NPPC: variants seen among roughly 807,000 people sequenced by gnomAD.
NPPC encodes the protein natriuretic peptide C.
A neutral mutation model predicts 10.2 loss-of-function variants in NPPC; 4 were observed. The observed-to-expected ratio is 0.39, with a 90% CI of 0.19 to 0.90. The LOEUF (loss-of-function observed/expected upper bound fraction) is 0.90. NPPC is among the 40% of genes least tolerant of loss of function. The pLI is 0.37. For missense variants in NPPC, 182 were observed against 173.8 expected, an observed-to-expected ratio of 1.05 and a Z score of -0.26; for synonymous variants, 83 against 87.3, an observed-to-expected ratio of 0.95 and a Z score of 0.27.
chr2:231,926,205 C>A lies in NPPC; in HGVS notation c.45G>T (p.Leu15=), dbSNP rs547048787. ...TGGCTTCGGAGGGCCGGAGGGAGAGCAGCGTGAGCAGCAGGGCGCAGGCCA... is the reference window on the plus strand; with the variant it reads ...TGGCTTCGGAGGGCCGGAGGGAGAGAAGCGTGAGCAGCAGGGCGCAGGCCA... ...QLLACALLLT[L]LSLRPSEAKP... The change falls in exon 1 of 3, where the codon CTG becomes CTT. Residue 15 remains leucine (L), a synonymous_variant. Coordinates refer to ENST00000409852, the MANE Select transcript of NPPC (RefSeq NM_024409.4). 22 of 1,330,366 alleles carry A rather than the reference C, an allele frequency of 1.7e-5. No homozygotes were observed. The South Asian group carries it at 4.6e-4, about 28-fold the overall frequency. The allele number at this position is 1,330,366 out of a possible 1,614,324, so 82.4% of individuals were successfully genotyped here. A position where few individuals can be genotyped will look rare whatever the true frequency, so the allele number is the denominator to read the frequency against.
chr2:231,925,432 C>A lies in NPPC; in HGVS notation c.374G>T (p.Gly125Val). 2 of 1,604,630 alleles carry A rather than the reference C, an allele frequency of 1.2e-6. No homozygotes were observed. Among genetic ancestry groups the A allele is most frequent in the Non-Finnish European group, 1.7e-6 (2 of 1,175,466 alleles). ...LDRIGSMSGL[G>V]C is the part of the protein sequence containing the mutation. ...CCGCCAGGGGGCGCCGCACTAACATCCCAGGCCGCTCATGGAGCCGATTCG... is the reference window on the plus strand; with the variant it reads ...CCGCCAGGGGGCGCCGCACTAACATACCAGGCCGCTCATGGAGCCGATTCG... Residue 125 changes from glycine (G) to valine (V), a missense_variant, in exon 2 of 3, where the codon GGA (glycine) becomes GTA (valine). By Grantham distance (109) the Gly-to-Val change is moderately radical (BLOSUM62 -3). Coordinates refer to ENST00000409852, the MANE Select transcript of NPPC (RefSeq NM_024409.4).
intron 1 of NPPC, 89 bp from the exon 2 acceptor site, chr2:231,925,804 G>A (rs1691998844): frequency 2.2e-6 from 3 of 1,376,096 alleles, no homozygotes; most frequent in South Asian, 3.1e-5. Flanking sequence ...CCGCCGGCGC[G>A]GGGTGTCCCT....
rs778952287 is a variant in NPPC at position 231,925,382 on chromosome 2, G to A, written c.*20+23C>T. The A allele has an allele frequency of 3.9e-6, 6 of 1,522,598 alleles. No homozygotes were observed. In the South Asian group the frequency reaches 7.6e-5, roughly 19 times the overall value. 94.3% of individuals were successfully genotyped at this position (1,522,598 alleles called of 1,614,324 possible). On this transcript the variant is annotated intron_variant, in intron 2 of 2. Coordinates refer to ENST00000409852, the MANE Select transcript of NPPC (RefSeq NM_024409.4). The stretch of plus-strand genomic sequence containing the variant: ...GCGGTCCCGGGCCGGGCTGGGGCTG[G>A]GCGTCGGGTGGGCCGTACTCACCGC...
rs1231023049 is a variant in NPPC at position 231,925,565 on chromosome 2, A to G, written c.241T>C (p.Ser81Pro). Reference sequence around the variant, plus strand: ...AGAAGGCGAGCCCACGCTGCCCGCGACTTGGTGTCCACGCGCAGGTCCCGG... The same window carrying G: ...AGAAGGCGAGCCCACGCTGCCCGCGGCTTGGTGTCCACGCGCAGGTCCCGG... ...LLRDLRVDTK[S>P]RAAWARLLQE... The change falls in exon 2 of 3, where the codon TCG (serine) becomes CCG (proline). Residue 81 changes from serine to proline, a missense_variant. Transcript: ENST00000409852. The G allele has an allele frequency of 6.2e-7, 1 of 1,612,302 alleles. No individual in the cohort carries two copies. Among genetic ancestry groups the G allele is most frequent in the Non-Finnish European group, 8.5e-7 (1 of 1,179,612 alleles).
intron 2 of NPPC, among the ~76,000 whole-genome samples, chr2:231,924,775 G>A (rs1406600130): frequency 6.6e-6 from 1 of 152,124 alleles, no homozygotes; most frequent in African/African-American, 2.4e-5. Context: ...TTCGAGGCTG[G>A]GGCAAATAAT....
In NPPC at chr2:231,922,229, A is replaced by G. The variant is rs1465511976; in HGVS notation, c.*107T>C. 2 of 152,198 alleles carry G rather than the reference A, an allele frequency of 1.3e-5. No individual in the cohort carries two copies. The highest frequency in any genetic ancestry group is 2.9e-5 in the Non-Finnish European group (2 of 68,036). The allele number at this position is 152,198 out of a possible 1,614,324, so 9.4% of individuals were successfully genotyped here. A position where few individuals can be genotyped will look rare whatever the true frequency, so the allele number is the denominator to read the frequency against. ...AAAAAAGAAAGAAAGAAAGAAATGT[A>G]AAAGCCACATTGCGTTGGAGGTGTT... is the stretch of plus-strand genomic sequence containing the variant. On this transcript the variant is annotated 3_prime_UTR_variant, in exon 3 of 3. Transcript: ENST00000409852.
At chr2:231,925,847 C>A in intron 1 of NPPC, 132 bp from the exon 2 acceptor site, 1 of 1,123,214 alleles carries the variant, frequency 8.9e-7, no homozygotes, top group Non-Finnish European at 1.2e-6. Flanking sequence ...CCGATGCCGG[C>A]CAGCTTGGCC....
rs1374669902 is a variant in NPPC at position 231,926,288 on chromosome 2, G to T, written c.-39C>A. The T allele has an allele frequency of 8.0e-7, 1 of 1,252,368 alleles. No individual in the cohort carries two copies. The highest frequency in any genetic ancestry group is 3.1e-5 in the South Asian group (1 of 32,562). The allele number at this position is 1,252,368 out of a possible 1,614,324, so 77.6% of individuals were successfully genotyped here. A position where few individuals can be genotyped will look rare whatever the true frequency, so the allele number is the denominator to read the frequency against. On this transcript the variant is annotated 5_prime_UTR_variant, in exon 1 of 3. Coordinates refer to ENST00000409852, the MANE Select transcript of NPPC (RefSeq NM_024409.4). ...TCGAGGGGCGCACACGGGCGGCAGC[G>T]AGGGCGCGCAGGTCGGCGGGCAGAC...
In NPPC at chr2:231,926,304, G is replaced by A; in HGVS notation, c.-55C>T. On this transcript the variant is annotated 5_prime_UTR_variant, in exon 1 of 3. Coordinates refer to ENST00000409852, the MANE Select transcript of NPPC (RefSeq NM_024409.4). ...GGCGGCAGCGAGGGCGCGCAGGTCGGCGGGCAGACCAGCAGGGGGATGCGG... is the reference window on the plus strand; with the variant it reads ...GGCGGCAGCGAGGGCGCGCAGGTCGACGGGCAGACCAGCAGGGGGATGCGG... The A allele has an allele frequency of 1.7e-6, 2 of 1,182,226 alleles. No individual in the cohort carries two copies. Among genetic ancestry groups the A allele is most frequent in the Middle Eastern group, 3.1e-4 (1 of 3,234 alleles). 73.2% of individuals were successfully genotyped at this position (1,182,226 alleles called of 1,614,324 possible).
intron 1 of NPPC, 70 bp from the exon 2 acceptor site, chr2:231,925,785 C>T: frequency 1.4e-6 from 2 of 1,402,862 alleles, no homozygotes; most frequent in Non-Finnish European, 1.8e-6. Flanking sequence ...ATGCTCCAGC[C>T]CCACGCGCCC....
intron 2 of NPPC, among the ~76,000 whole-genome samples, chr2:231,923,374 G>T (rs905710492): frequency 6.6e-6 from 1 of 152,332 alleles, no homozygotes; most frequent in Admixed American, 6.5e-5. Context: ...CACCCACTGC[G>T]TGGAGAAACA....
At chr2:231,925,745 G>T in intron 1 of NPPC, 30 bp from the exon 2 acceptor site, 1 of 1,503,914 alleles carries the variant, frequency 6.6e-7, no homozygotes, top group Non-Finnish European at 8.8e-7. Context: ...GCAGGTGAAG[G>T]GACACGCGGC....
chr2:231,925,859 C>T, intron 1 of NPPC, 144 bp from the exon 2 acceptor site: 2 of 1,037,478 alleles, frequency 1.9e-6, no homozygotes, highest in South Asian at 1.9e-5. Flanking sequence ...AGCTTGGCCC[C>T]GCATCCACCT....
At position 231,925,388 on chromosome 2, in the gene NPPC, G is replaced by A. The variant is rs773087065; in HGVS notation, c.*20+17C>T. On this transcript the variant is annotated intron_variant, in intron 2 of 2. Transcript: ENST00000409852. The stretch of plus-strand genomic sequence containing the variant: ...CCGGGCCGGGCTGGGGCTGGGCGTC[G>A]GGTGGGCCGTACTCACCGCCGCCAG... The A allele has an allele frequency of 4.6e-6, 7 of 1,536,074 alleles. No homozygotes were observed. The Admixed American group carries it at 9.6e-5, about 21-fold the overall frequency.
At position 231,925,539 on chromosome 2, in the gene NPPC, C is replaced by A. The variant is rs367826282; in HGVS notation, c.267G>T (p.Leu89=). Residue 89 remains leucine (L), a synonymous_variant, in exon 2 of 3, where the codon CTG becomes CTT. Transcript: ENST00000409852. ...ATTTGCGCGCGTTGGGGTGCTCTTG[C>A]AGAAGGCGAGCCCACGCTGCCCGCG... The part of the protein sequence containing the change: ...TKSRAAWARL[L]QEHPNARKYK... The A allele has an allele frequency of 2.5e-6, 4 of 1,612,750 alleles. No homozygotes were observed. The highest frequency in any genetic ancestry group is 1.1e-5 in the South Asian group (1 of 91,018).
At position 231,926,364 on chromosome 2, in the gene NPPC, C is replaced by T. The variant is rs1298865082; in HGVS notation, c.-115G>A. On this transcript the variant is annotated 5_prime_UTR_variant, in exon 1 of 3. Coordinates refer to ENST00000409852, the MANE Select transcript of NPPC (RefSeq NM_024409.4). ...GCTGGGCTGCAGGGCGAGCAGGGTC[C>T]CAGTGCTGCGCGGCGCCGGCTGGGT... The T allele has an allele frequency of 9.9e-6, 6 of 606,748 alleles. No individual in the cohort carries two copies. Among genetic ancestry groups the T allele is most frequent in the Non-Finnish European group, 1.4e-5 (6 of 416,996 alleles). The allele number at this position is 606,748 out of a possible 1,614,324, so 37.6% of individuals were successfully genotyped here.
chr2:231,923,515 G>A (rs139363316), intron 2 of NPPC, among the ~76,000 whole-genome samples: 105 of 152,298 alleles, frequency 6.9e-4, no homozygotes, highest in Middle Eastern at 3.4e-3. Flanking sequence ...ACTGGGAATG[G>A]GGGGCAGTGA....
chr2:231,923,924 T>C (rs922286808), intron 2 of NPPC, among the ~76,000 whole-genome samples: 1 of 152,234 alleles, frequency 6.6e-6, no homozygotes, highest in African/African-American at 2.4e-5. Flanking sequence ...TCAGACTCCG[T>C]CTCTTTGTTG....
intron 1 of NPPC, among the ~76,000 whole-genome samples, 166 bp from the exon 2 acceptor site, chr2:231,925,881 G>T (rs1481459307): frequency 2.6e-5 from 4 of 152,220 alleles, no homozygotes; most frequent in African/African-American, 9.6e-5. Flanking sequence ...CCACGCGGCC[G>T]CCTTCGCCGC....
Sources: allele counts gnomAD v4.1 joint callset (sites outside exome capture counted in the v4.1 genomes callset), GRCh38; gene constraint gnomAD v4.1.1; transcripts MANE v1.5; gene names NCBI Gene and HGNC (gene_info 2026-07-23, HGNC 2026-07-21).